Variants in CMSS1 observed in about 807,000 individuals in gnomAD.
The protein encoded by CMSS1 is protein CMSS1.
In CMSS1, 33 loss-of-function variants were observed where a neutral mutation model predicts 43.5. The observed-to-expected ratio is 0.76, with a 90% CI of 0.57 to 1.01. The LOEUF (loss-of-function observed/expected upper bound fraction) is 1.01, where lower values mean the gene tolerates loss of function less well. Among genes scored for constraint, CMSS1 ranks in the 50% least tolerant of loss-of-function variants. CMSS1 has a pLI of 0.00. For synonymous variants in CMSS1, 115 were observed against 117.2 expected, an observed-to-expected ratio of 0.98 and a Z score of 0.12; for missense variants, 313 against 326.4, an observed-to-expected ratio of 0.96 and a Z score of 0.32.
At chr3:99,848,666 C>A (rs1438550039) in intron 1 of CMSS1, 2 of 1,614,168 alleles carry the variant, frequency 1.2e-6, no homozygotes, top group Non-Finnish European at 1.7e-6. Context: ...ACAGCCAAAA[C>A]CTGAATAGGG....
At chr3:99,876,098 G>GGGGGCCGGGCC (rs1179367255) in intron 1 of CMSS1, 38 of 986,126 alleles carry the variant, frequency 3.9e-5, no homozygotes, top group Admixed American at 6.1e-5. Context: ...GGGGCCGGGC[G>GGGGGCCGGGCC]GGGGCCGGGC....
At chr3:99,838,715 C>T (rs1243389713) in intron 1 of CMSS1, among the ~76,000 whole-genome samples, 2 of 152,198 alleles carry the variant, frequency 1.3e-5, no homozygotes, top group Non-Finnish European at 2.9e-5. Context: ...TTGTGACATA[C>T]TAACAGAATG....
chr3:100,136,793 T>C (rs1191533832), intron 1 of CMSS1, among the ~76,000 whole-genome samples: 10 of 152,214 alleles, frequency 6.6e-5, no homozygotes, highest in Admixed American at 5.9e-4. Flanking sequence ...GATTATTTGA[T>C]CATGTGGCCT....
chr3:100,057,917 CAACT>C (rs942211481), intron 1 of CMSS1, among the ~76,000 whole-genome samples: 6 of 152,210 alleles, frequency 3.9e-5, no homozygotes, highest in African/African-American at 1.2e-4. Flanking sequence ...ACCTTTTACC[CAACT>C]AACTGACTGT....
chr3:100,144,019 A>G lies in CMSS1; in HGVS notation c.65-2954A>G, dbSNP rs373705540. On this transcript the variant is annotated intron_variant, in intron 1 of 9. Transcript: ENST00000421999. Reference sequence around the variant, plus strand: ...TCATATTTTAAAATTCATTCTGTCAATCTCTGTCTTTAAATTGGTATGTTT... The same window carrying G: ...TCATATTTTAAAATTCATTCTGTCAGTCTCTGTCTTTAAATTGGTATGTTT... Among the ~76,000 whole-genome samples the G allele has an allele frequency of 1.1e-4, 17 of 152,286 alleles. No individual in the cohort carries two copies. In the East Asian group the frequency reaches 2.9e-3, roughly 26 times the overall value.
intron 1 of CMSS1, among the ~76,000 whole-genome samples, chr3:100,135,172 TC>T (rs1294686688): frequency 6.6e-6 from 1 of 152,212 alleles, no homozygotes; most frequent in East Asian, 1.9e-4. Context: ...TAGCAATGCT[TC>T]CAAATGTACA....
intron 1 of CMSS1, among the ~76,000 whole-genome samples, chr3:99,987,270 T>A (rs1390785526): frequency 6.6e-6 from 1 of 151,170 alleles, no homozygotes; most frequent in East Asian, 1.9e-4. Context: ...GGCTCACTCC[T>A]GTAATCCCAG....
chr3:100,083,737 C>CTTTGTTTG (rs760641222), intron 1 of CMSS1, among the ~76,000 whole-genome samples: 6 of 151,996 alleles, frequency 3.9e-5, no homozygotes, highest in African/African-American at 1.5e-4. Context: ...ATCACCATTT[C>CTTTGTTTG]TTTGTTTGTT....
At chr3:99,822,178 G>A (rs149666463) in intron 1 of CMSS1, among the ~76,000 whole-genome samples, 64 of 152,338 alleles carry the variant, frequency 4.2e-4, no homozygotes, top group African/African-American at 1.5e-3. Context: ...AGGCAGCTAA[G>A]TATGTGAGTC....
intron 2 of CMSS1, among the ~76,000 whole-genome samples, chr3:100,149,977 T>G (rs577912308): frequency 1.3e-5 from 2 of 152,194 alleles, no homozygotes; most frequent in South Asian, 2.1e-4. Flanking sequence ...ATTCCCTCCT[T>G]GAAAGGCTCC....
intron 1 of CMSS1, among the ~76,000 whole-genome samples, chr3:99,984,050 GTATGTGTGTT>G (rs200288556): frequency 6.6e-6 from 1 of 151,042 alleles, no homozygotes; most frequent in Admixed American, 6.6e-5. Flanking sequence ...GGATGTATAT[GTATGTGTGTT>G]TGTGTGTGTG....
chr3:99,956,264 C>T (rs1708316500), intron 1 of CMSS1, among the ~76,000 whole-genome samples: 1 of 152,162 alleles, frequency 6.6e-6, no homozygotes, highest in African/African-American at 2.4e-5. Flanking sequence ...TCCTCTGCCC[C>T]CAACACCTCT....
At chr3:99,947,233 C>T (rs1279784949) in intron 1 of CMSS1, among the ~76,000 whole-genome samples, 4 of 151,866 alleles carry the variant, frequency 2.6e-5, no homozygotes, top group Non-Finnish European at 4.4e-5. Flanking sequence ...AATTCAACCA[C>T]GCAGAGATTT....
intron 1 of CMSS1, chr3:99,830,521 G>A (rs1427795236): frequency 4.4e-6 from 2 of 456,664 alleles, no homozygotes; most frequent in Admixed American, 2.3e-5. Flanking sequence ...GGCACTGTGG[G>A]GGCTTTAGTG....
Position 100,162,421 on chromosome 3 carries a change from T to G in CMSS1, c.344T>G (p.Leu115Arg). Residue 115 changes from leucine to arginine, a missense_variant, in exon 4 of 10, where the codon CTG becomes CGG. Leu to Arg is a moderately radical substitution (Grantham distance 102). Transcript: ENST00000421999. ...CGCTTGGTGATTGAATTAGAAGAAC[T>G]GAACCTGCCAGGTATAGCCAAGCTT... ...SRRLVIELEE[L>R]NLPDSCFLKA... The G allele has an allele frequency of 6.8e-6, 11 of 1,612,412 alleles. No individual in the cohort carries two copies. Among genetic ancestry groups the G allele is most frequent in the Non-Finnish European group, 9.3e-6 (11 of 1,178,996 alleles).
At chr3:100,053,324 G>A (rs945231463) in intron 1 of CMSS1, among the ~76,000 whole-genome samples, 13 of 152,172 alleles carry the variant, frequency 8.5e-5, no homozygotes, top group African/African-American at 3.1e-4. Context: ...GCAGGGCTAT[G>A]CTTCCTTCAA....
intron 1 of CMSS1, among the ~76,000 whole-genome samples, chr3:99,959,632 C>T (rs537476634): frequency 1.3e-5 from 2 of 152,214 alleles, no homozygotes; most frequent in Non-Finnish European, 2.9e-5. Flanking sequence ...AATCTGTAGA[C>T]CAAAATGCTA....
At chr3:100,066,752 C>T (rs2065672055) in intron 1 of CMSS1, among the ~76,000 whole-genome samples, 1 of 94,684 alleles carries the variant, frequency 1.1e-5, no homozygotes, top group African/African-American at 3.5e-5. Context: ...GGGATGGTCT[C>T]GATCTCCTGA....
intron 1 of CMSS1, among the ~76,000 whole-genome samples, chr3:99,843,081 C>A (rs1249782287): frequency 6.6e-6 from 1 of 152,188 alleles, no homozygotes; most frequent in African/African-American, 2.4e-5. Context: ...GGTTTGAGAA[C>A]CTTAGTAAAC....
Sources: gnomAD v4.1 joint callset for allele counts (sites outside exome capture counted in the v4.1 genomes callset) on GRCh38, gnomAD v4.1.1 for gene constraint, MANE v1.5 for transcripts, NCBI Gene and HGNC (gene_info 2026-07-23, HGNC 2026-07-21) for gene names.